The following DAG1 variants were observed in gnomAD, a reference collection of about 807,000 sequenced individuals.
DAG1 encodes dystroglycan 1.
DAG1 carries 8 observed loss-of-function variants against 46.1 expected under a neutral mutation model. The ratio of observed to expected loss-of-function variants is 0.17; its 90% CI spans 0.10 to 0.31. DAG1 has a LOEUF of 0.31. DAG1 is among the 10% of genes least tolerant of loss of function. DAG1 has a pLI of 1.00. For missense variants in DAG1, 1,003 were observed against 1,189.9 expected (o/e 0.84, Z 2.31); for synonymous variants, 495 against 481.8 (o/e 1.03, Z -0.36).
chr3:49,495,496 A>AT (rs569789561), intron 1 of DAG1, among the ~76,000 whole-genome samples: 2 of 152,108 alleles, frequency 1.3e-5, no homozygotes, highest in Admixed American at 6.6e-5. Context: ...CTTTAATTGC[A>AT]TTTTTTGATG....
intron 2 of DAG1, 131 bp from the exon 3 acceptor site, chr3:49,530,666 G>A (rs2051313936): frequency 2.3e-6 from 3 of 1,311,814 alleles, no homozygotes; most frequent in Non-Finnish European, 3.2e-6. Context: ...TAGGGGGGAG[G>A]AATCAGCTTC....
intron 1 of DAG1, among the ~76,000 whole-genome samples, chr3:49,472,907 G>C (rs1356576089): frequency 6.6e-6 from 1 of 151,596 alleles, no homozygotes; most frequent in Admixed American, 6.6e-5. Flanking sequence ...ATTACCTGAG[G>C]TCAGGAGTTC....
chr3:49,525,924 C>G (rs2051159325), intron 2 of DAG1, among the ~76,000 whole-genome samples: 1 of 151,236 alleles, frequency 6.6e-6, no homozygotes, highest in South Asian at 2.1e-4. Flanking sequence ...AATCTCGGCT[C>G]ACTTCAACCT....
rs77085804 is a variant in DAG1, at chr3:49,505,690, A to T, written c.-116-4729A>T. On this transcript the variant is annotated intron_variant, in intron 1 of 2. Coordinates refer to ENST00000308775, the MANE Select transcript of DAG1 (RefSeq NM_004393.6). The stretch of plus-strand genomic sequence containing the variant: ...TCTGTATGCCAAACTTTTTTTTTTG[A>T]GACGGAGTTTCGCTCTTGTTGCCCA... Among the ~76,000 whole-genome samples the T allele has an allele frequency of 2.0e-5, 3 of 151,658 alleles. No homozygotes were observed. The East Asian group carries it at 5.8e-4, about 29-fold the overall frequency.
intron 1 of DAG1, among the ~76,000 whole-genome samples, chr3:49,479,628 CTTTTTTTTTTTTTTTTT>C (rs71080522): frequency 4.2e-5 from 2 of 47,190 alleles, no homozygotes; most frequent in African/African-American, 1.9e-4. Context: ...TATAACATTT[CTTTTTTTTTTTTTTTTT>C]TTTTTTTTTT....
chr3:49,471,380 G>T (rs2049514769), intron 1 of DAG1, among the ~76,000 whole-genome samples: 1 of 152,232 alleles, frequency 6.6e-6, no homozygotes, highest in African/African-American at 2.4e-5. Flanking sequence ...GTCTGGTGTA[G>T]ATGGGGTATT....
At chr3:49,510,188 A>T (rs2050724159) in intron 1 of DAG1, 1 of 490,546 alleles carries the variant, frequency 2.0e-6, no homozygotes, top group South Asian at 4.4e-5. Context: ...TTTTACATTC[A>T]TTTTTTATGA....
chr3:49,470,672 G>C (rs991741484), intron 1 of DAG1: 1 of 152,222 alleles, frequency 6.6e-6, no homozygotes, highest in Non-Finnish European at 1.5e-5. Context: ...GCCGCGCGCC[G>C]CGGCGATGGG....
At chr3:49,487,689 A>ATTTTTTT (rs1483239639) in intron 1 of DAG1, among the ~76,000 whole-genome samples, 2 of 103,860 alleles carry the variant, frequency 1.9e-5, no homozygotes, top group African/African-American at 7.3e-5. Context: ...AGCCCCATAC[A>ATTTTTTT]TTCTTTTTTT....
chr3:49,533,159 T>C lies in DAG1; in HGVS notation c.2648T>C (p.Met883Thr), dbSNP rs962242031. 3 of 1,613,924 alleles carry C rather than the reference T, an allele frequency of 1.9e-6. No homozygotes were observed. Among genetic ancestry groups the C allele is most frequent in the African/African-American group, 2.7e-5 (2 of 74,936 alleles). ...MEGKGSRPKN[M>T]TPYRSPPPYV... ...GGCAAGGGCTCCCGTCCCAAGAACATGACCCCATACCGGTCACCTCCTCCC... is the reference window on the plus strand; with the variant it reads ...GGCAAGGGCTCCCGTCCCAAGAACACGACCCCATACCGGTCACCTCCTCCC... The change falls in exon 3 of 3, where the codon ATG becomes ACG. Residue 883 changes from methionine (M) to threonine (T), a missense_variant. Physicochemically the swap from Met to Thr is moderately conservative, Grantham distance 81. Around this residue, in one of 3 missense-constraint regions of DAG1, gnomAD observed 755 missense variants for 854.1 expected, o/e 0.88. Transcript: ENST00000308775.
intron 1 of DAG1, among the ~76,000 whole-genome samples, chr3:49,506,379 A>C (rs1436981435): frequency 6.6e-6 from 1 of 152,214 alleles, no homozygotes; most frequent in Non-Finnish European, 1.5e-5. Flanking sequence ...TTCTGTTCTT[A>C]AGGATAAGTC....
At chr3:49,482,194 G>A (rs1367394427) in intron 1 of DAG1, among the ~76,000 whole-genome samples, 1 of 152,154 alleles carries the variant, frequency 6.6e-6, no homozygotes, top group Non-Finnish European at 1.5e-5. Context: ...GGGACACAGT[G>A]CATTGCGGAA....
At chr3:49,478,500 A>T (rs2106927812) in intron 1 of DAG1, among the ~76,000 whole-genome samples, 1 of 130,508 alleles carries the variant, frequency 7.7e-6, no homozygotes, top group East Asian at 2.6e-4. Context: ...CGGGAAGCTG[A>T]GGTGGGGGCA....
chr3:49,517,511 A>C (rs2050929149), intron 2 of DAG1, among the ~76,000 whole-genome samples: 1 of 152,088 alleles, frequency 6.6e-6, no homozygotes, highest in South Asian at 2.1e-4. Context: ...CTTGACATGG[A>C]TGGTGTCACA....
chr3:49,514,349 G>C (rs1345680423), intron 2 of DAG1, among the ~76,000 whole-genome samples: 1 of 152,150 alleles, frequency 6.6e-6, no homozygotes, highest in South Asian at 2.1e-4. Flanking sequence ...AAAATCTGTG[G>C]TTTCTACCAT....
chr3:49,502,461 G>T (rs914231802), intron 1 of DAG1, among the ~76,000 whole-genome samples: 6 of 152,134 alleles, frequency 3.9e-5, no homozygotes, highest in Non-Finnish European at 7.4e-5. Context: ...GGGAGGGAAG[G>T]TTCCTGCGGA....
chr3:49,489,156 C>T (rs888767620), intron 1 of DAG1, among the ~76,000 whole-genome samples: 4 of 151,130 alleles, frequency 2.6e-5, no homozygotes, highest in Non-Finnish European at 5.9e-5. Flanking sequence ...AGTGCAATGG[C>T]GTGATCTTGG....
chr3:49,503,091 G>A (rs1395310075), intron 1 of DAG1, among the ~76,000 whole-genome samples: 1 of 152,032 alleles, frequency 6.6e-6, no homozygotes, highest in Non-Finnish European at 1.5e-5. Context: ...GTGAACATGC[G>A]TATGCCATCT....
At chr3:49,528,850 CTT>C (rs576246020) in intron 2 of DAG1, among the ~76,000 whole-genome samples, 3 of 137,240 alleles carry the variant, frequency 2.2e-5, no homozygotes, top group Admixed American at 7.3e-5. Context: ...ATAATAACGC[CTT>C]TTTTTTTTTT....
Sources: allele counts gnomAD v4.1 joint callset (sites outside exome capture counted in the v4.1 genomes callset), GRCh38; gene constraint gnomAD v4.1.1; regional missense constraint gnomAD v4.1.1; transcripts MANE v1.5; gene names NCBI Gene and HGNC (gene_info 2026-07-23, HGNC 2026-07-21).